The following ZNF215 variants were observed in gnomAD, a reference collection of about 807,000 sequenced individuals.
ZNF215 encodes the protein BWSCR2-associated zinc finger protein 2.
Under a neutral mutation model 27.2 loss-of-function variants are expected in ZNF215, and 24 were observed. The ratio of observed to expected loss-of-function variants is 0.88; its 90% CI spans 0.64 to 1.24. The LOEUF (loss-of-function observed/expected upper bound fraction) is 1.24, where lower values mean the gene tolerates loss of function less well. Ranked by LOEUF, ZNF215 falls within the 50% of genes most tolerant of loss-of-function variation. The probability of loss-of-function intolerance (pLI) is 0.00; values close to 1 mark genes in which losing one functional copy is unlikely to be tolerated. For missense variants in ZNF215, 675 were observed against 605.7 expected, an observed-to-expected ratio of 1.11 and a Z score of -1.20; for synonymous variants, 210 against 204.0, an observed-to-expected ratio of 1.03 and a Z score of -0.25.
chr11:6,988,595 T>C (rs1484599321), downstream of ZNF215: 1 of 152,120 alleles, frequency 6.6e-6, no homozygotes, highest in African/African-American at 2.4e-5. Flanking sequence ...AGTGAACTTG[T>C]TGAGGGCAAG....
intron 6 of ZNF215, among the ~76,000 whole-genome samples, chr11:6,948,828 C>T (rs1269238130): frequency 6.6e-6 from 1 of 151,632 alleles, no homozygotes; most frequent in African/African-American, 2.4e-5. Context: ...ATACATGTGC[C>T]ATGCTGGTGT....
At chr11:6,993,243 T>A (rs971939867), downstream of ZNF215, among the ~76,000 whole-genome samples, 49 of 152,154 alleles carry the variant, frequency 3.2e-4, no homozygotes, top group African/African-American at 1.1e-3. Context: ...TTCAATAAAC[T>A]CTCTTCTCAC....
chr11:6,947,901 T>C (rs1849879843), intron 6 of ZNF215, among the ~76,000 whole-genome samples: 1 of 152,184 alleles, frequency 6.6e-6, no homozygotes, highest in East Asian at 1.9e-4. Context: ...AACTTAACTG[T>C]TCTTATGGGC....
At chr11:6,949,939 C>T (rs1849986053) in intron 6 of ZNF215, among the ~76,000 whole-genome samples, 1 of 152,082 alleles carries the variant, frequency 6.6e-6, no homozygotes, top group Non-Finnish European at 1.5e-5. Context: ...CCAGTTTCAG[C>T]TTTCTACATA....
Position 6,956,293 on chromosome 11 carries a change from A to C in ZNF215, c.1316A>C (p.Lys439Thr), listed in dbSNP as rs34593659. 7.4e-6 allele frequency: 12 copies of C among 1,614,086 alleles called. No individual in the cohort carries two copies. Among genetic ancestry groups the C allele is most frequent in the Non-Finnish European group, 1.0e-5 (12 of 1,180,044 alleles). The change falls in exon 7 of 7, where the codon AAA (lysine) becomes ACA (threonine). Residue 439 changes from lysine to threonine, a missense_variant. By Grantham distance (78) the Lys-to-Thr change is moderately conservative. Transcript: ENST00000278319. Reference protein sequence around the residue: ...HAEAKACTSNKCGKAFSKSED... With the variant: ...HAEAKACTSNTCGKAFSKSED... ...GAAGCAAAGGCCTGCACAAGCAATA[A>C]ATGTGGAAAGGCCTTCAGTAAAAGT...
At chr11:6,928,997 A>T (rs940836889) in intron 2 of ZNF215, among the ~76,000 whole-genome samples, 1 of 151,986 alleles carries the variant, frequency 6.6e-6, no homozygotes, top group Non-Finnish European at 1.5e-5. Context: ...GAGTTTGGGG[A>T]GATGTCAAGG....
chr11:6,958,169 C>A (rs79906259), downstream of ZNF215: 2,849 of 687,152 alleles, frequency 4.1e-3, 67 homozygotes, highest in African/African-American at 0.052. Context: ...AAGAGAAAAG[C>A]ACTCTGAATG....
downstream of ZNF215, among the ~76,000 whole-genome samples, chr11:6,960,516 A>G (rs1047616502): frequency 1.3e-5 from 2 of 152,164 alleles, no homozygotes; most frequent in Non-Finnish European, 2.9e-5. Flanking sequence ...AGCATCAACA[A>G]TCACTGAGAG....
intron 5 of ZNF215, among the ~76,000 whole-genome samples, chr11:6,965,728 A>G (rs1268275160): frequency 6.6e-6 from 1 of 152,148 alleles, no homozygotes. Context: ...AGTGTATACA[A>G]TTATTTCATA....
At chr11:6,990,077 C>T (rs765340149), downstream of ZNF215, among the ~76,000 whole-genome samples, 18 of 152,190 alleles carry the variant, frequency 1.2e-4, no homozygotes, top group Non-Finnish European at 2.2e-4. Flanking sequence ...GCTTATAAAA[C>T]CCAACCCTGC....
chr11:6,983,472 C>T (rs1355474557), intron 5 of ZNF215, among the ~76,000 whole-genome samples: 1 of 152,148 alleles, frequency 6.6e-6, no homozygotes, highest in East Asian at 1.9e-4. Context: ...GAATTTTGAA[C>T]CAATATCCTT....
chr11:6,960,303 C>T (rs556127520), downstream of ZNF215, among the ~76,000 whole-genome samples: 7 of 152,132 alleles, frequency 4.6e-5, no homozygotes, highest in Admixed American at 3.9e-4. Context: ...GAGGGAACAG[C>T]GCAAGTTAGG....
downstream of ZNF215, among the ~76,000 whole-genome samples, chr11:6,987,475 G>C (rs1851071697): frequency 6.6e-6 from 1 of 152,128 alleles, no homozygotes; most frequent in Admixed American, 6.6e-5. Flanking sequence ...TCAGTATCAT[G>C]TAACATACAT....
chr11:6,981,477 T>G (rs1850950731), intron 5 of ZNF215, among the ~76,000 whole-genome samples: 1 of 152,190 alleles, frequency 6.6e-6, no homozygotes, highest in Admixed American at 6.6e-5. Flanking sequence ...TCTTGTAAAT[T>G]TGTTTGAGTT....
At chr11:6,974,826 T>A (rs1359428385) in intron 5 of ZNF215, among the ~76,000 whole-genome samples, 1 of 152,156 alleles carries the variant, frequency 6.6e-6, no homozygotes, top group Non-Finnish European at 1.5e-5. Context: ...TATACAATCA[T>A]GTCATCTGCA....
chr11:6,942,663 C>T (rs1203166196), intron 4 of ZNF215, among the ~76,000 whole-genome samples: 1 of 152,014 alleles, frequency 6.6e-6, no homozygotes, highest in African/African-American at 2.4e-5. Flanking sequence ...AAGAAAATGC[C>T]CTACCTCTCC....
At chr11:6,979,329 G>GTAT (rs1850900556) in intron 5 of ZNF215, among the ~76,000 whole-genome samples, 1 of 2,512 alleles carries the variant, frequency 4.0e-4, no homozygotes, top group Non-Finnish European at 3.1e-3. Flanking sequence ...GAATAACACA[G>GTAT]TAATAATAAT....
intron 5 of ZNF215, among the ~76,000 whole-genome samples, chr11:6,981,752 T>G (rs1163151279): frequency 1.3e-5 from 2 of 152,222 alleles, no homozygotes; most frequent in African/African-American, 4.8e-5. Context: ...GTCTAACGTT[T>G]AAGTCTTTAA....
chr11:6,956,709 A>C lies in ZNF215; in HGVS notation c.*178A>C. 1 of 1,384,236 alleles carries C rather than the reference A, an allele frequency of 7.2e-7. No homozygotes were observed. The highest frequency in any genetic ancestry group is 9.3e-7 in the Non-Finnish European group (1 of 1,076,736). The allele number at this position is 1,384,236 out of a possible 1,614,324, so 85.7% of individuals were successfully genotyped here. The stretch of plus-strand genomic sequence containing the variant: ...ATATCATTGGATAGAAATCTGTTTG[A>C]AGGAATTTTCCTGGTTTTCAGATGA... On this transcript the variant is annotated 3_prime_UTR_variant, in exon 7 of 7. Coordinates refer to ENST00000278319, the MANE Select transcript of ZNF215 (RefSeq NM_013250.4).
Sources: allele counts gnomAD v4.1 joint callset (sites outside exome capture counted in the v4.1 genomes callset), GRCh38; gene constraint gnomAD v4.1.1; transcripts MANE v1.5; gene names NCBI Gene and HGNC (gene_info 2026-07-23, HGNC 2026-07-21).